PCDH11Y: variants seen among roughly 807,000 people sequenced by gnomAD.
PCDH11Y encodes the protein protocadherin-11 Y-linked.
For missense variants in PCDH11Y, 12 were observed against 224.8 expected (o/e 0.05, Z 6.05); for synonymous variants, 9 against 83.6 (o/e 0.11, Z 4.87).
At chrY:5,419,062 A>C in intron 2 of PCDH11Y, among the ~76,000 whole-genome samples, 2 of 33,512 alleles carry the variant, frequency 6.0e-5, no homozygotes, top group African/African-American at 2.3e-4. Context: ...ACTACTCTTT[A>C]TGTTAAAAAT....
At chrY:5,201,127 A>G (rs2052926428) in intron 2 of PCDH11Y, among the ~76,000 whole-genome samples, 1 of 33,620 alleles carries the variant, frequency 3.0e-5, no homozygotes, top group African/African-American at 1.2e-4. Flanking sequence ...TAGCTGTGAT[A>G]TGACCAAGAC....
intron 2 of PCDH11Y, among the ~76,000 whole-genome samples, chrY:5,363,611 A>T (rs2124672212): frequency 3.3e-5 from 1 of 30,602 alleles, no homozygotes; most frequent in East Asian, 8.4e-4. Flanking sequence ...GTTTTGGCTA[A>T]TTGTTAATGG....
At chrY:5,148,027 A>G (rs2052859698) in intron 2 of PCDH11Y, among the ~76,000 whole-genome samples, 1 of 33,724 alleles carries the variant, frequency 3.0e-5, no homozygotes, top group African/African-American at 1.2e-4. Flanking sequence ...GGTGATAGGA[A>G]AGTAATACAC....
chrY:5,605,307 T>C (rs2053478017), intron 4 of PCDH11Y, among the ~76,000 whole-genome samples: 1 of 33,786 alleles, frequency 3.0e-5, no homozygotes, highest in African/African-American at 1.1e-4. Context: ...GAGCTATGAT[T>C]AATTTGCTTT....
chrY:5,384,072 C>G (rs2053208409), intron 2 of PCDH11Y, among the ~76,000 whole-genome samples: 1 of 33,237 alleles, frequency 3.0e-5, no homozygotes, highest in Non-Finnish European at 7.4e-5. Flanking sequence ...AATTGGCATG[C>G]TAATAATTCT....
chrY:5,726,055 G>T (rs2053598583), intron 4 of PCDH11Y, among the ~76,000 whole-genome samples: 1 of 32,798 alleles, frequency 3.0e-5, no homozygotes, highest in Non-Finnish European at 7.5e-5. Context: ...AACGAATCTT[G>T]GTAAGTGCGT....
At chrY:5,686,066 C>T (rs2053562680) in intron 4 of PCDH11Y, among the ~76,000 whole-genome samples, 1 of 33,285 alleles carries the variant, frequency 3.0e-5, no homozygotes, top group Non-Finnish European at 7.5e-5. Context: ...TTTTGTTAAA[C>T]GACTAGAATT....
At chrY:5,009,081 A>G in intron 1 of PCDH11Y, among the ~76,000 whole-genome samples, 1 of 33,520 alleles carries the variant, frequency 3.0e-5, no homozygotes, top group Admixed American at 2.7e-4. Context: ...GGGTGATAGC[A>G]TGAATTAATT....
intron 2 of PCDH11Y, among the ~76,000 whole-genome samples, chrY:5,130,619 C>T (rs2052832497): frequency 3.0e-5 from 1 of 33,407 alleles, no homozygotes; most frequent in South Asian, 6.7e-4. Flanking sequence ...TGGTGGCTCA[C>T]GCCTGTAATC....
chrY:5,603,936 G>GA (rs2053476551), intron 4 of PCDH11Y, among the ~76,000 whole-genome samples: 2 of 30,334 alleles, frequency 6.6e-5, no homozygotes, highest in African/African-American at 2.6e-4. Context: ...AAGAAAGAAA[G>GA]AAAGAAAAGA....
intron 4 of PCDH11Y, among the ~76,000 whole-genome samples, chrY:5,735,572 T>A: frequency 5.9e-5 from 2 of 33,768 alleles, no homozygotes; most frequent in Non-Finnish European, 1.5e-4. Flanking sequence ...CTGATTATTG[T>A]ATTTTTATTA....
At chrY:5,587,308 T>G (rs2124698039) in intron 4 of PCDH11Y, among the ~76,000 whole-genome samples, 1 of 33,131 alleles carries the variant, frequency 3.0e-5, no homozygotes, top group South Asian at 6.4e-4. Flanking sequence ...AATTTTTGAC[T>G]TTTTTGAATG....
At chrY:5,095,855 C>T (rs1192661365) in intron 1 of PCDH11Y, among the ~76,000 whole-genome samples, 1 of 32,953 alleles carries the variant, frequency 3.0e-5, no homozygotes, top group Admixed American at 2.8e-4. Flanking sequence ...AGAATGCTCA[C>T]GTTTATTGTA....
chrY:5,515,364 A>G (rs2053370845), intron 3 of PCDH11Y, among the ~76,000 whole-genome samples: 1 of 32,550 alleles, frequency 3.1e-5, no homozygotes, highest in Admixed American at 2.9e-4. Context: ...AATGAATATG[A>G]TTAGAAAAAA....
intron 4 of PCDH11Y, among the ~76,000 whole-genome samples, chrY:5,647,185 G>C: frequency 8.9e-5 from 3 of 33,587 alleles, no homozygotes; most frequent in East Asian, 7.9e-4. Context: ...CATATTTCAA[G>C]ATAGCTCTTT....
chrY:5,326,281 G>T (rs1602904744), intron 2 of PCDH11Y, among the ~76,000 whole-genome samples: 1 of 32,293 alleles, frequency 3.1e-5, no homozygotes, highest in African/African-American at 1.2e-4. Flanking sequence ...TTCCTGACTC[G>T]GGCATGTTGA....
intron 4 of PCDH11Y, among the ~76,000 whole-genome samples, chrY:5,729,468 CT>C (rs2053601494): frequency 6.3e-5 from 2 of 31,755 alleles, no homozygotes. Context: ...TGAATGGAGG[CT>C]TTTGTTTTTT....
chrY:5,325,079 G>T (rs2053117447), intron 2 of PCDH11Y, among the ~76,000 whole-genome samples: 1 of 32,556 alleles, frequency 3.1e-5, no homozygotes, highest in Non-Finnish European at 7.5e-5. Context: ...GCAAGGATCA[G>T]CCATTTACAC....
chrY:5,491,960 G>A, intron 2 of PCDH11Y, among the ~76,000 whole-genome samples: 1 of 33,699 alleles, frequency 3.0e-5, no homozygotes, highest in Non-Finnish European at 7.3e-5. Context: ...CTGCCAAGCC[G>A]AGTGGGTGGA....
Sources: allele counts gnomAD v4.1 joint callset (sites outside exome capture counted in the v4.1 genomes callset), GRCh38; gene constraint gnomAD v4.1.1; transcripts MANE v1.5; gene names NCBI Gene and HGNC (gene_info 2026-07-23, HGNC 2026-07-21).